The following DCANP1 variants were observed in gnomAD, a reference collection of about 807,000 sequenced individuals.
The protein encoded by DCANP1 is dendritic cell nuclear protein 1.
For synonymous variants in DCANP1, 139 were observed against 124.2 expected (o/e 1.12, Z -0.79); for missense variants, 328 against 293.7 (o/e 1.12, Z -0.85).
Position 135,446,467 on chromosome 5 carries a change from G to A in DCANP1, c.642C>T (p.Cys214=), listed in dbSNP as rs754013743. Residue 214 remains cysteine (C), a synonymous_variant, in exon 1 of 1, where the codon TGC becomes TGT. Coordinates refer to ENST00000503143, the MANE Select transcript of DCANP1 (RefSeq NM_130848.3). ...SSHLISLSLT[C]SDSQSRRVSS... ...TCACCCGCCTGCTCTGGCTGTCTGA[G>A]CAGGTGAGGGATAGTGATATCAAGT... 1.2e-6 allele frequency: 2 copies of A among 1,613,986 alleles called. No homozygotes were observed. The highest frequency in any genetic ancestry group is 1.7e-6 in the Non-Finnish European group (2 of 1,179,850).
In DCANP1 at chr5:135,446,318, T is replaced by C. The variant is rs1197409051; in HGVS notation, c.*56A>G. ...GGGAGCAGCGTTCATGTGCACTGTA[T>C]GTTCGTGTTTAGTGTATGTCTGTGC... is the stretch of plus-strand genomic sequence containing the variant. On this transcript the variant is annotated 3_prime_UTR_variant, in exon 1 of 1. Coordinates refer to ENST00000503143, the MANE Select transcript of DCANP1 (RefSeq NM_130848.3). The C allele has an allele frequency of 1.3e-6, 2 of 1,535,866 alleles. No individual in the cohort carries two copies. Among genetic ancestry groups the C allele is most frequent in the African/African-American group, 1.4e-5 (1 of 72,768 alleles).
chr5:135,444,555 T>C lies in DCANP1; in HGVS notation c.*1819A>G, dbSNP rs1478744676. 1.3e-5 allele frequency: 2 copies of C among 152,372 alleles called. No homozygotes were observed. Among genetic ancestry groups the C allele is most frequent in the African/African-American group, 2.4e-5 (1 of 41,444 alleles). The allele number at this position is 152,372 out of a possible 1,614,324, so 9.4% of individuals were successfully genotyped here. ...AGCAGAGCTGGAGAAGTTCGTACAG[T>C]AGATACAGTGGAAGACAGGTGGCTC... On this transcript the variant is annotated 3_prime_UTR_variant, in exon 1 of 1. Coordinates refer to ENST00000503143, the MANE Select transcript of DCANP1 (RefSeq NM_130848.3).
At position 135,446,158 on chromosome 5, in the gene DCANP1, C is replaced by T; in HGVS notation, c.*216G>A. On this transcript the variant is annotated 3_prime_UTR_variant, in exon 1 of 1. Transcript: ENST00000503143. Reference sequence around the variant, plus strand: ...ACTCTAAGGAGGTAAGTACTGTGAACTTTCCCGTTTTCTACAAGAAGAAAC... The same window carrying T: ...ACTCTAAGGAGGTAAGTACTGTGAATTTTCCCGTTTTCTACAAGAAGAAAC... 1 of 566,254 alleles carries T rather than the reference C, an allele frequency of 1.8e-6. No individual in the cohort carries two copies. Among genetic ancestry groups the T allele is most frequent in the Non-Finnish European group, 3.0e-6 (1 of 335,186 alleles). The allele number at this position is 566,254 out of a possible 1,614,324, so 35.1% of individuals were successfully genotyped here.
Position 135,447,291 on chromosome 5 carries a change from G to T in DCANP1, c.-183C>A, listed in dbSNP as rs115965482. 1,931 of 709,334 alleles carry T rather than the reference G, an allele frequency of 2.7e-3. 35 individuals carry two copies. The African/African-American group carries it at 0.029, about 11-fold the overall frequency. 43.9% of individuals were successfully genotyped at this position (709,334 alleles called of 1,614,324 possible). Reference sequence around the variant, plus strand: ...CTCCCTGTTGCCTACCAGGTCCGTGGCTACAACTAAATCCCTAGTTGGGGA... The same window carrying T: ...CTCCCTGTTGCCTACCAGGTCCGTGTCTACAACTAAATCCCTAGTTGGGGA... On this transcript the variant is annotated 5_prime_UTR_variant, in exon 1 of 1. Transcript: ENST00000503143.
At position 135,446,872 on chromosome 5, in the gene DCANP1, C is replaced by G. The variant is rs780304441; in HGVS notation, c.237G>C (p.Gly79=). ...ATTGAACTGCCCCCTCTCGCAGGAC[C>G]CCAGCTGGCAAGGTTTTGTTCCTCC... ...PPGRNKTLPA[G]VLREGAVQFL... Residue 79 remains glycine, a synonymous_variant, in exon 1 of 1, where the codon GGG becomes GGC. Transcript: ENST00000503143. 1.2e-6 allele frequency: 2 copies of G among 1,613,840 alleles called. No homozygotes were observed. The highest frequency in any genetic ancestry group is 2.2e-5 in the East Asian group (1 of 44,870).
At position 135,446,237 on chromosome 5, in the gene DCANP1, G is replaced by A; in HGVS notation, c.*137C>T. The A allele has an allele frequency of 2.0e-6, 2 of 1,009,888 alleles. No individual in the cohort carries two copies. The highest frequency in any genetic ancestry group is 2.9e-6 in the Non-Finnish European group (2 of 685,054). The allele number at this position is 1,009,888 out of a possible 1,614,324, so 62.6% of individuals were successfully genotyped here. A position where few individuals can be genotyped will look rare whatever the true frequency, so the allele number is the denominator to read the frequency against. On this transcript the variant is annotated 3_prime_UTR_variant, in exon 1 of 1. Transcript: ENST00000503143. ...CCAGGATCACAGAACTATAGTAAGT[G>A]GGGGTGGGGACAAGAATTCTAACCC... is the stretch of plus-strand genomic sequence containing the variant.
chr5:135,446,758 T>C lies in DCANP1; in HGVS notation c.351A>G (p.Arg117=). 1 of 1,613,972 alleles carries C rather than the reference T, an allele frequency of 6.2e-7. No individual in the cohort carries two copies. The highest frequency in any genetic ancestry group is 8.5e-7 in the Non-Finnish European group (1 of 1,179,856). ...SGTQDELHSS[R]RKTGQTRREG... is the part of the protein sequence containing the mutation. ...CCCGCCTGGTCTGGCCTGTCTTCCT[T>C]CTGCTGCTATGCAGTTCATCCTGGG... Residue 117 remains arginine, a synonymous_variant, in exon 1 of 1, where the codon AGA becomes AGG. Transcript: ENST00000503143.
chr5:135,446,345 T>C lies in DCANP1; in HGVS notation c.*29A>G, dbSNP rs781303653. The C allele has an allele frequency of 3.8e-6, 6 of 1,567,592 alleles. No homozygotes were observed. In the African/African-American group the frequency reaches 4.1e-5, roughly 11 times the overall value. On this transcript the variant is annotated 3_prime_UTR_variant, in exon 1 of 1. Transcript: ENST00000503143. ...TTCGTGTTTAGTGTATGTCTGTGCATACTTGCGTGTGTGCACACGCACACA... is the reference window on the plus strand; with the variant it reads ...TTCGTGTTTAGTGTATGTCTGTGCACACTTGCGTGTGTGCACACGCACACA...
rs542435639 is a variant in DCANP1 at position 135,447,221 on chromosome 5, C to A, written c.-113G>T. ...ACCAGGGCATCTCCCATTATACTAA[C>A]CCTGCCTATTGGACCTTCTGATGCA... On this transcript the variant is annotated 5_prime_UTR_variant, in exon 1 of 1. Coordinates refer to ENST00000503143, the MANE Select transcript of DCANP1 (RefSeq NM_130848.3). The A allele has an allele frequency of 3.8e-6, 5 of 1,332,308 alleles. No homozygotes were observed. Among genetic ancestry groups the A allele is most frequent in the East Asian group, 2.4e-5 (1 of 42,534 alleles). The allele number at this position is 1,332,308 out of a possible 1,614,324, so 82.5% of individuals were successfully genotyped here.
At position 135,446,587 on chromosome 5, in the gene DCANP1, A is replaced by T; in HGVS notation, c.522T>A (p.Ser174Arg). ...GATCTGATGATTTCAGTGATTTTCTACTCAAGAAAAATGAAGTCTCGGATG... is the reference window on the plus strand; with the variant it reads ...GATCTGATGATTTCAGTGATTTTCTTCTCAAGAAAAATGAAGTCTCGGATG... ...LCPSETSFFL[S>R]RKSLKSSDPW... is the part of the protein sequence containing the mutation. Residue 174 changes from serine to arginine, a missense_variant, in exon 1 of 1, where the codon AGT (serine) becomes AGA (arginine). Coordinates refer to ENST00000503143, the MANE Select transcript of DCANP1 (RefSeq NM_130848.3). 2 of 1,613,914 alleles carry T rather than the reference A, an allele frequency of 1.2e-6. No individual in the cohort carries two copies. The highest frequency in any genetic ancestry group is 1.7e-6 in the Non-Finnish European group (2 of 1,179,862).
At position 135,446,230 on chromosome 5, in the gene DCANP1, A is replaced by G. The variant is rs139456966; in HGVS notation, c.*144T>C. The G allele has an allele frequency of 1.3e-3, 1,228 of 960,416 alleles. 2 individuals carry two copies. The highest frequency in any genetic ancestry group is 1.7e-3 in the Non-Finnish European group (1,104 of 643,728). 59.5% of individuals were successfully genotyped at this position (960,416 alleles called of 1,614,324 possible). A position where few individuals can be genotyped will look rare whatever the true frequency, so the allele number is the denominator to read the frequency against. ...TACTTGTCCAGGATCACAGAACTATAGTAAGTGGGGGTGGGGACAAGAATT... is the reference window on the plus strand; with the variant it reads ...TACTTGTCCAGGATCACAGAACTATGGTAAGTGGGGGTGGGGACAAGAATT... On this transcript the variant is annotated 3_prime_UTR_variant, in exon 1 of 1. Transcript: ENST00000503143.
At position 135,445,019 on chromosome 5, in the gene DCANP1, G is replaced by C. The variant is rs563179447; in HGVS notation, c.*1355C>G. On this transcript the variant is annotated 3_prime_UTR_variant, in exon 1 of 1. Transcript: ENST00000503143. The stretch of plus-strand genomic sequence containing the variant: ...GGCCTGCATAGCCCAGGGGTGGAGA[G>C]AGGGGTCAGACTAGAACCTATGGAG... 1 of 152,420 alleles carries C rather than the reference G, an allele frequency of 6.6e-6. No individual in the cohort carries two copies. The highest frequency in any genetic ancestry group is 2.4e-5 in the African/African-American group (1 of 41,556). The allele number at this position is 152,420 out of a possible 1,614,324, so 9.4% of individuals were successfully genotyped here.
Position 135,447,135 on chromosome 5 carries a change from C to A in DCANP1, c.-27G>T. On this transcript the variant is annotated 5_prime_UTR_variant, in exon 1 of 1. Transcript: ENST00000503143. The stretch of plus-strand genomic sequence containing the variant: ...GTTGGGGGACCATTTTGGTCAGTGA[C>A]AGATCACTGCTGCTTTTCATCAGAC... The A allele has an allele frequency of 6.2e-7, 1 of 1,613,782 alleles. No homozygotes were observed. Among genetic ancestry groups the A allele is most frequent in the Non-Finnish European group, 8.5e-7 (1 of 1,179,828 alleles).
At position 135,446,162 on chromosome 5, in the gene DCANP1, C is replaced by T. The variant is rs1223088917; in HGVS notation, c.*212G>A. ...TAAGGAGGTAAGTACTGTGAACTTT[C>T]CCGTTTTCTACAAGAAGAAACTGTG... On this transcript the variant is annotated 3_prime_UTR_variant, in exon 1 of 1. Transcript: ENST00000503143. 3.5e-6 allele frequency: 2 copies of T among 577,294 alleles called. No individual in the cohort carries two copies. The highest frequency in any genetic ancestry group is 5.8e-6 in the Non-Finnish European group (2 of 343,066). 35.8% of individuals were successfully genotyped at this position (577,294 alleles called of 1,614,324 possible). A position where few individuals can be genotyped will look rare whatever the true frequency, so the allele number is the denominator to read the frequency against.
chr5:135,445,590 G>C lies in DCANP1; in HGVS notation c.*784C>G, dbSNP rs1176665999. On this transcript the variant is annotated 3_prime_UTR_variant, in exon 1 of 1. Transcript: ENST00000503143. ...CGTCTGTGCATCTGTCCTCTGTTCA[G>C]CTCTGGAAAGGCCACCGGGAACACA... 1 of 152,338 alleles carries C rather than the reference G, an allele frequency of 6.6e-6. No homozygotes were observed. The highest frequency in any genetic ancestry group is 1.5e-5 in the Non-Finnish European group (1 of 68,176). 9.4% of individuals were successfully genotyped at this position (152,338 alleles called of 1,614,324 possible). A position where few individuals can be genotyped will look rare whatever the true frequency, so the allele number is the denominator to read the frequency against.
At position 135,446,297 on chromosome 5, in the gene DCANP1, G is replaced by A; in HGVS notation, c.*77C>T. 8 of 1,502,820 alleles carry A rather than the reference G, an allele frequency of 5.3e-6. No homozygotes were observed. Among genetic ancestry groups the A allele is most frequent in the Non-Finnish European group, 7.1e-6 (8 of 1,120,796 alleles). The allele number at this position is 1,502,820 out of a possible 1,614,324, so 93.1% of individuals were successfully genotyped here. On this transcript the variant is annotated 3_prime_UTR_variant, in exon 1 of 1. Coordinates refer to ENST00000503143, the MANE Select transcript of DCANP1 (RefSeq NM_130848.3). ...TCTGACCAGAGGGCCCTAGCTGGGA[G>A]CAGCGTTCATGTGCACTGTATGTTC...
chr5:135,446,359 C>T lies in DCANP1; in HGVS notation c.*15G>A. 1 of 1,581,432 alleles carries T rather than the reference C, an allele frequency of 6.3e-7. No individual in the cohort carries two copies. Among genetic ancestry groups the T allele is most frequent in the Non-Finnish European group, 8.6e-7 (1 of 1,161,412 alleles). On this transcript the variant is annotated 3_prime_UTR_variant, in exon 1 of 1. Transcript: ENST00000503143. ...ATGTCTGTGCATACTTGCGTGTGTGCACACGCACACATGTTCACTCAGGCA... is the reference window on the plus strand; with the variant it reads ...ATGTCTGTGCATACTTGCGTGTGTGTACACGCACACATGTTCACTCAGGCA...
chr5:135,447,166 T>C lies in DCANP1; in HGVS notation c.-58A>G. On this transcript the variant is annotated 5_prime_UTR_variant, in exon 1 of 1. Transcript: ENST00000503143. Reference sequence around the variant, plus strand: ...ACTGCTGCTTTTCATCAGACCAAAATACATGTGGCTTCTTCTCCTTGCCAG... The same window carrying C: ...ACTGCTGCTTTTCATCAGACCAAAACACATGTGGCTTCTTCTCCTTGCCAG... The C allele has an allele frequency of 1.2e-6, 2 of 1,608,544 alleles. No homozygotes were observed. Among genetic ancestry groups the C allele is most frequent in the South Asian group, 1.1e-5 (1 of 90,630 alleles).
rs140173994 is a variant in DCANP1 at position 135,447,042 on chromosome 5, G to T, written c.67C>A (p.His23Asn). ...RSHGLETVPG[H>N]QRLERGAGGE... ...CCAGCTCCTCTCTCCAGTCTTTGGT[G>T]TCCAGGTACAGTCTCCAGGCCGTGG... Residue 23 changes from histidine to asparagine, a missense_variant, in exon 1 of 1, where the codon CAC becomes AAC. Physicochemically the swap from His to Asn is moderately conservative, Grantham distance 68. Coordinates refer to ENST00000503143, the MANE Select transcript of DCANP1 (RefSeq NM_130848.3). 90 of 1,613,884 alleles carry T rather than the reference G, an allele frequency of 5.6e-5. No homozygotes were observed. Among genetic ancestry groups the T allele is most frequent in the Admixed American group, 2.0e-4 (12 of 59,998 alleles).
Sources: gnomAD v4.1 joint callset for allele counts on GRCh38, gnomAD v4.1.1 for gene constraint, MANE v1.5 for transcripts, NCBI Gene and HGNC (gene_info 2026-07-23, HGNC 2026-07-21) for gene names.